FOLH1: variants seen among roughly 807,000 people sequenced by gnomAD.
FOLH1 encodes the protein glutamate carboxypeptidase 2.
A neutral mutation model predicts 93.9 loss-of-function variants in FOLH1; 54 were observed. That is an observed-to-expected ratio of 0.57 (90% CI 0.46 to 0.72). The LOEUF is 0.72. FOLH1 is among the 30% of genes least tolerant of loss of function. The pLI is 0.00. For missense variants in FOLH1, 571 were observed against 892.5 expected (o/e 0.64, Z 4.59); for synonymous variants, 249 against 303.6 (o/e 0.82, Z 1.87).
At chr11:49,200,893 T>A (rs1863190693) in intron 2 of FOLH1, among the ~76,000 whole-genome samples, 1 of 152,138 alleles carries the variant, frequency 6.6e-6, no homozygotes, top group Non-Finnish European at 1.5e-5. Context: ...GTGATAAACT[T>A]TTTGATTAGC....
At position 49,145,689 on chromosome 11, in the gene FOLH1, G is replaced by A. The variant is rs1246987698; in HGVS notation, c.*1067C>T. On this transcript the variant is annotated 3_prime_UTR_variant, in exon 19 of 19. Coordinates refer to ENST00000256999, the MANE Select transcript of FOLH1 (RefSeq NM_004476.3). ...TGCTCCAAATTCACCATGGAGACAAGAGCAATTCCTTACATCTGCTCATCA... is the reference window on the plus strand; with the variant it reads ...TGCTCCAAATTCACCATGGAGACAAAAGCAATTCCTTACATCTGCTCATCA... Among the ~76,000 whole-genome samples, 2 of 152,156 alleles carry A rather than the reference G, an allele frequency of 1.3e-5. No homozygotes were observed. The highest frequency in any genetic ancestry group is 2.9e-5 in the Non-Finnish European group (2 of 68,004).
intron 12 of FOLH1, among the ~76,000 whole-genome samples, chr11:49,165,194 C>T (rs1232768988): frequency 6.6e-6 from 1 of 152,116 alleles, no homozygotes; most frequent in South Asian, 2.1e-4. Context: ...CTCTTTTAAC[C>T]TTGGCTCTTG....
At chr11:49,173,577 GA>G (rs71049334) in intron 9 of FOLH1, 101 bp from the exon 10 acceptor site, 2,476 of 648,924 alleles carry the variant, frequency 3.8e-3, no homozygotes, top group Middle Eastern at 6.0e-3. Context: ...TCACGCCTCA[GA>G]AAAAAAAAAA....
chr11:49,146,200 T>C lies in FOLH1; in HGVS notation c.*556A>G, dbSNP rs1032145986. On this transcript the variant is annotated 3_prime_UTR_variant, in exon 19 of 19. Transcript: ENST00000256999. ...GGTTCACAAGTGTTCATTTAATTAC[T>C]ATACATATATTTTATACTATAGCCT... Among the ~76,000 whole-genome samples, 2 of 152,240 alleles carry C rather than the reference T, an allele frequency of 1.3e-5. No homozygotes were observed. The highest frequency in any genetic ancestry group is 2.4e-5 in the African/African-American group (1 of 41,476).
Position 49,169,261 on chromosome 11 carries a change from A to C in FOLH1, c.1309-3T>G. ...TCTTGAAGGAGTCTTGAATTCTCCT[A>C]TAATAAAAAGGAAAACTATAAATAT... On this transcript the variant is annotated splice_region_variant and splice_polypyrimidine_tract_variant and intron_variant, in intron 11 of 18. Transcript: ENST00000256999. 1.9e-6 allele frequency: 3 copies of C among 1,612,658 alleles called. No homozygotes were observed. The highest frequency in any genetic ancestry group is 2.5e-6 in the Non-Finnish European group (3 of 1,178,936).
intron 9 of FOLH1, among the ~76,000 whole-genome samples, chr11:49,173,991 G>A (rs34647977): frequency 0.49 from 74,661 of 151,864 alleles, 20,803 homozygotes; most frequent in Admixed American, 0.62. Flanking sequence ...TATAGAAGAG[G>A]GAATTTCTTT....
intron 17 of FOLH1, among the ~76,000 whole-genome samples, chr11:49,150,027 C>T (rs1745839377): frequency 6.6e-6 from 1 of 152,124 alleles, no homozygotes; most frequent in Non-Finnish European, 1.5e-5. Flanking sequence ...TTAATCATAG[C>T]TCAGTATAGC....
At chr11:49,157,295 T>G (rs1452455185) in intron 14 of FOLH1, among the ~76,000 whole-genome samples, 2 of 151,970 alleles carry the variant, frequency 1.3e-5, no homozygotes, top group Admixed American at 6.6e-5. Flanking sequence ...AAAATATTTG[T>G]TAACTATATG....
At chr11:49,190,873 G>C (rs910555957) in intron 4 of FOLH1, among the ~76,000 whole-genome samples, 3 of 152,146 alleles carry the variant, frequency 2.0e-5, no homozygotes, top group Admixed American at 1.3e-4. Flanking sequence ...CCAGGCTGAA[G>C]TGCATACATT....
chr11:49,151,819 C>A (rs1565127338), intron 17 of FOLH1, among the ~76,000 whole-genome samples: 1 of 152,018 alleles, frequency 6.6e-6, no homozygotes, highest in Admixed American at 6.6e-5. Context: ...CTTTTAAATA[C>A]AAAAAGAAAA....
intron 4 of FOLH1, among the ~76,000 whole-genome samples, chr11:49,188,179 AT>A (rs760183395): frequency 6.6e-6 from 1 of 152,170 alleles, no homozygotes; most frequent in Non-Finnish European, 1.5e-5. Context: ...TAAAAAATTT[AT>A]TTTTGTGACA....
At chr11:49,181,632 T>C (rs1209637885) in intron 7 of FOLH1, among the ~76,000 whole-genome samples, 2 of 152,208 alleles carry the variant, frequency 1.3e-5, no homozygotes, top group Non-Finnish European at 2.9e-5. Flanking sequence ...TTTCCACTAT[T>C]ACAAGTAATG....
intron 13 of FOLH1, among the ~76,000 whole-genome samples, chr11:49,160,120 G>A (rs1391709411): frequency 6.6e-6 from 1 of 151,960 alleles, no homozygotes; most frequent in Non-Finnish European, 1.5e-5. Flanking sequence ...GTGCATAGAG[G>A]TGTTTATAAT....
intron 7 of FOLH1, among the ~76,000 whole-genome samples, chr11:49,180,953 A>G (rs1439562820): frequency 6.6e-6 from 1 of 152,176 alleles, no homozygotes; most frequent in Non-Finnish European, 1.5e-5. Flanking sequence ...TTTTCAATCA[A>G]TCAGATAATT....
At position 49,195,840 on chromosome 11, in the gene FOLH1, A is replaced by C. The variant is rs202697; in HGVS notation, c.412-2946T>G. On this transcript the variant is annotated intron_variant, in intron 3 of 18. Coordinates refer to ENST00000256999, the MANE Select transcript of FOLH1 (RefSeq NM_004476.3). Reference sequence around the variant, plus strand: ...AAATGCATTTTAAATAAAACTTATGAAAACTGACATAAGAATACATTTTTT... The same window carrying C: ...AAATGCATTTTAAATAAAACTTATGCAAACTGACATAAGAATACATTTTTT... Among the ~76,000 whole-genome samples the C allele has an allele frequency of 6.6e-3, 1,005 of 152,338 alleles. 19 individuals are homozygous for C. Among genetic ancestry groups the C allele is most frequent in the African/African-American group, 0.023 (977 of 41,582 alleles).
At position 49,146,650 on chromosome 11, in the gene FOLH1, A is replaced by C. The variant is rs1447991121; in HGVS notation, c.*106T>G. On this transcript the variant is annotated 3_prime_UTR_variant, in exon 19 of 19. Coordinates refer to ENST00000256999, the MANE Select transcript of FOLH1 (RefSeq NM_004476.3). ...CTCACATAACTATATATAATATTCA[A>C]CTTTATTTCAAATATACCAATTTTA... 6.2e-6 allele frequency: 6 copies of C among 970,020 alleles called. No homozygotes were observed. Among genetic ancestry groups the C allele is most frequent in the South Asian group, 2.0e-5 (1 of 50,236 alleles). 60.1% of individuals were successfully genotyped at this position (970,020 alleles called of 1,614,324 possible).
At chr11:49,186,923 A>G (rs912452261) in intron 4 of FOLH1, among the ~76,000 whole-genome samples, 154 bp from the exon 5 acceptor site, 2 of 152,238 alleles carry the variant, frequency 1.3e-5, no homozygotes, top group African/African-American at 4.8e-5. Flanking sequence ...TTCAAGGGAA[A>G]AATGAATTTA....
chr11:49,203,280 G>A (rs1229762226), intron 2 of FOLH1, among the ~76,000 whole-genome samples: 1 of 152,176 alleles, frequency 6.6e-6, no homozygotes, highest in Non-Finnish European at 1.5e-5. Context: ...ATGGTAAACA[G>A]ATCTGTGAAT....
chr11:49,173,072 G>A (rs1859549705), intron 10 of FOLH1, among the ~76,000 whole-genome samples: 1 of 152,226 alleles, frequency 6.6e-6, no homozygotes, highest in East Asian at 1.9e-4. Context: ...TTTCTCTAGT[G>A]ATGTAACCCA....
Sources: allele counts gnomAD v4.1 joint callset (sites outside exome capture counted in the v4.1 genomes callset), GRCh38; gene constraint gnomAD v4.1.1; transcripts MANE v1.5; gene names NCBI Gene and HGNC (gene_info 2026-07-23, HGNC 2026-07-21).